The following NPLOC4 variants were observed in gnomAD, a reference collection of about 807,000 sequenced individuals.
The protein encoded by NPLOC4 is nuclear protein localization protein 4 homolog.
NPLOC4 carries 18 observed loss-of-function variants against 80.6 expected under a neutral mutation model. That is an observed-to-expected ratio of 0.22 (90% CI 0.15 to 0.33). NPLOC4 has a LOEUF of 0.33. NPLOC4 is among the 10% of genes least tolerant of loss of function. The probability of loss-of-function intolerance (pLI) is 1.00; values close to 1 mark genes in which losing one functional copy is unlikely to be tolerated. For synonymous variants in NPLOC4, 313 were observed against 301.5 expected (o/e 1.04, Z -0.39); for missense variants, 540 against 786.1 (o/e 0.69, Z 3.74).
At position 81,598,477 on chromosome 17, in the gene NPLOC4, G is replaced by A. The variant is rs1454930799; in HGVS notation, c.922-1161C>T. On this transcript the variant is annotated intron_variant, in intron 9 of 16. Coordinates refer to ENST00000331134, the MANE Select transcript of NPLOC4 (RefSeq NM_017921.4). ...TCAGAGAGTAGGTCTTTCCTGACAA[G>A]CTAAGAAAAAGGATTCCTAGAGAAA... Among the ~76,000 whole-genome samples the A allele has an allele frequency of 3.9e-5, 6 of 152,330 alleles. No homozygotes were observed. In the East Asian group the frequency reaches 1.2e-3, roughly 29 times the overall value.
chr17:81,568,591 A>G (rs538577992), intron 14 of NPLOC4, among the ~76,000 whole-genome samples: 69 of 152,264 alleles, frequency 4.5e-4, no homozygotes, highest in African/African-American at 1.6e-3. Flanking sequence ...AGAGGCCAAC[A>G]CGGGAGCCAC....
intron 2 of NPLOC4, among the ~76,000 whole-genome samples, chr17:81,628,884 C>CTTTTT (rs34905643): frequency 3.4e-5 from 5 of 145,380 alleles, no homozygotes; most frequent in South Asian, 4.4e-4. Flanking sequence ...ACAATTCATA[C>CTTTTT]TTTTTTTTTT....
intron 12 of NPLOC4, among the ~76,000 whole-genome samples, chr17:81,588,554 C>T (rs1241253749): frequency 6.6e-6 from 1 of 152,128 alleles, no homozygotes; most frequent in Admixed American, 6.5e-5. Flanking sequence ...CGCTATGTTG[C>T]CCAGGCTGGT....
intron 4 of NPLOC4, chr17:81,612,710 G>A (rs1178717113): frequency 7.5e-6 from 1 of 134,016 alleles, no homozygotes; most frequent in Non-Finnish European, 1.6e-5. Context: ...TATTTAAAAG[G>A]AATTGCAAAA....
chr17:81,587,856 T>TA (rs1048280026), intron 12 of NPLOC4, among the ~76,000 whole-genome samples: 5 of 150,244 alleles, frequency 3.3e-5, no homozygotes, highest in South Asian at 4.2e-4. Context: ...TTTTTTTTTT[T>TA]AGTAGAGACG....
chr17:81,585,195 A>AAAT (rs1199896684), intron 12 of NPLOC4, among the ~76,000 whole-genome samples: 3 of 149,298 alleles, frequency 2.0e-5, no homozygotes, highest in Non-Finnish European at 4.5e-5. Flanking sequence ...AAAAAAAAAA[A>AAAT]GAGTATGGTA....
intron 11 of NPLOC4, among the ~76,000 whole-genome samples, chr17:81,592,815 C>G (rs937192052): frequency 6.6e-6 from 1 of 152,100 alleles, no homozygotes; most frequent in African/African-American, 2.4e-5. Context: ...GAAACCCCGT[C>G]TCTACAAAAA....
chr17:81,614,037 G>C (rs1479930327), intron 3 of NPLOC4, among the ~76,000 whole-genome samples: 1 of 152,102 alleles, frequency 6.6e-6, no homozygotes. Flanking sequence ...AGCACTTTGG[G>C]AGGCTGAGGC....
At position 81,588,990 on chromosome 17, in the gene NPLOC4, G is replaced by A; in HGVS notation, c.1235C>T (p.Ala412Val). 2 of 1,613,998 alleles carry A rather than the reference G, an allele frequency of 1.2e-6. No homozygotes were observed. The highest frequency in any genetic ancestry group is 1.7e-6 in the Non-Finnish European group (2 of 1,179,878). Residue 412 changes from alanine (A) to valine (V), a missense_variant, in exon 12 of 17, where the codon GCC (alanine) becomes GTC (valine). Ala to Val is a moderately conservative substitution (Grantham distance 64). Around this residue, in one of 6 missense-constraint regions of NPLOC4, gnomAD observed 251 missense variants for 377.5 expected, o/e 0.66. Coordinates refer to ENST00000331134, the MANE Select transcript of NPLOC4 (RefSeq NM_017921.4). Reference sequence around the variant, plus strand: ...GTACTGCTCACTGCTAGACTCCTTGGCGTAGCCAAGCTCCGGGGCGTCCTT... The same window carrying A: ...GTACTGCTCACTGCTAGACTCCTTGACGTAGCCAAGCTCCGGGGCGTCCTT... The part of the protein sequence containing the change: ...PCKDAPELGY[A>V]KESSSEQYVP...
At position 81,613,452 on chromosome 17, in the gene NPLOC4, C is replaced by A; in HGVS notation, c.252G>T (p.Gly84=). 2 of 1,613,944 alleles carry A rather than the reference C, an allele frequency of 1.2e-6. No individual in the cohort carries two copies. Among genetic ancestry groups the A allele is most frequent in the Non-Finnish European group, 1.7e-6 (2 of 1,179,892 alleles). Residue 84 remains glycine (G), a synonymous_variant, in exon 4 of 17, where the codon GGG becomes GGT. Transcript: ENST00000331134. ...CTGACGTCTCCATTTCAGATGAGGG[C>A]CCAGCAAGGCTCGAGGGAAACAGGA... ...LLFLFPSSLA[G]PSSEMETSVP...
Position 81,637,036 on chromosome 17 carries a change from A to C in NPLOC4, c.-106T>G. ...CCTCAGCCCCGGCCCCGGCCTCCCT[A>C]CGCCGCCGCCACCGCCGCTCCAGCT... On this transcript the variant is annotated 5_prime_UTR_variant, in exon 1 of 17. Transcript: ENST00000331134. 1.6e-6 allele frequency: 1 copy of C among 643,608 alleles called. No individual in the cohort carries two copies. The highest frequency in any genetic ancestry group is 2.1e-6 in the Non-Finnish European group (1 of 468,236). The allele number at this position is 643,608 out of a possible 1,614,324, so 39.9% of individuals were successfully genotyped here. A position where few individuals can be genotyped will look rare whatever the true frequency, so the allele number is the denominator to read the frequency against.
chr17:81,559,099 G>A lies in NPLOC4; in HGVS notation c.*160C>T, dbSNP rs1280961448. ...GCGCCCGCTCTCCAGGGAGGAACGT[G>A]CTGAGAAGCTTCAGTGGGTCAGGGA... is the stretch of plus-strand genomic sequence containing the variant. On this transcript the variant is annotated 3_prime_UTR_variant, in exon 17 of 17. Transcript: ENST00000331134. 7.9e-6 allele frequency: 6 copies of A among 760,476 alleles called. No individual in the cohort carries two copies. Among genetic ancestry groups the A allele is most frequent in the African/African-American group, 1.8e-5 (1 of 56,576 alleles). The allele number at this position is 760,476 out of a possible 1,614,324, so 47.1% of individuals were successfully genotyped here.
chr17:81,601,043 G>A (rs898619552), intron 8 of NPLOC4, among the ~76,000 whole-genome samples: 1 of 152,198 alleles, frequency 6.6e-6, no homozygotes, highest in African/African-American at 2.4e-5. Flanking sequence ...CAGTCGATGA[G>A]TTGTAGCTTC....
Position 81,565,669 on chromosome 17 carries a change from G to C in NPLOC4, c.1567-62C>G, listed in dbSNP as rs190443455. On this transcript the variant is annotated intron_variant, in intron 15 of 16. Coordinates refer to ENST00000331134, the MANE Select transcript of NPLOC4 (RefSeq NM_017921.4). The stretch of plus-strand genomic sequence containing the variant: ...GCCTAAGGTGAGCAGCTTCCTGCTA[G>C]AACAGGTTTCTTTCTCCCCAACATC... 2.4e-4 allele frequency: 307 copies of C among 1,272,352 alleles called. 1 individual carries two copies. In the African/African-American group the frequency reaches 4.2e-3, roughly 17 times the overall value. The allele number at this position is 1,272,352 out of a possible 1,614,324, so 78.8% of individuals were successfully genotyped here.
chr17:81,565,576 C>A lies in NPLOC4; in HGVS notation c.1598G>T (p.Arg533Leu). ...CTGGGCGAGCTCCTCATTTCTGGTC[C>A]GCACGGCCTCCAGCAGCAAGCTGAT... ...DSISLLLEAVRTRNEELAQTW... is the reference protein window; with the variant it reads ...DSISLLLEAVLTRNEELAQTW... Residue 533 changes from arginine (R) to leucine (L), a missense_variant, in exon 16 of 17, where the codon CGG becomes CTG. Coordinates refer to ENST00000331134, the MANE Select transcript of NPLOC4 (RefSeq NM_017921.4). The A allele has an allele frequency of 6.4e-7, 1 of 1,554,722 alleles. No individual in the cohort carries two copies. Among genetic ancestry groups the A allele is most frequent in the Admixed American group, 1.9e-5 (1 of 51,858 alleles).
At chr17:81,590,013 G>C (rs1213610380) in intron 11 of NPLOC4, among the ~76,000 whole-genome samples, 6 of 152,140 alleles carry the variant, frequency 3.9e-5, no homozygotes, top group Admixed American at 3.9e-4. Flanking sequence ...AATTCATCTG[G>C]AGGCAGAGAG....
chr17:81,627,766 C>T (rs12453042), intron 2 of NPLOC4, among the ~76,000 whole-genome samples: 13,693 of 151,416 alleles, frequency 0.09, 892 homozygotes, highest in Admixed American at 0.21. Flanking sequence ...GAAACTCTGT[C>T]TCAAAAAACA....
intron 2 of NPLOC4, among the ~76,000 whole-genome samples, chr17:81,623,490 ACT>A (rs2035720747): frequency 1.4e-5 from 2 of 146,942 alleles, no homozygotes; most frequent in South Asian, 2.2e-4. Flanking sequence ...AAAAAGCAAA[ACT>A]CTGTCTCAAA....
intron 3 of NPLOC4, among the ~76,000 whole-genome samples, chr17:81,621,457 T>C (rs1251491855): frequency 6.6e-6 from 1 of 152,168 alleles, no homozygotes; most frequent in Non-Finnish European, 1.5e-5. Flanking sequence ...CCACAGCACA[T>C]GCAACCTGCA....
Sources: allele counts gnomAD v4.1 joint callset (sites outside exome capture counted in the v4.1 genomes callset), GRCh38; gene constraint gnomAD v4.1.1; regional missense constraint gnomAD v4.1.1; transcripts MANE v1.5; gene names NCBI Gene and HGNC (gene_info 2026-07-23, HGNC 2026-07-21).